Variants in MEGF11 observed in about 807,000 individuals in gnomAD.
MEGF11 encodes multiple epidermal growth factor-like domains protein 11.
MEGF11 carries 126 observed loss-of-function variants against 146.6 expected under a neutral mutation model. The ratio of observed to expected loss-of-function variants is 0.86; its 90% CI spans 0.74 to 1.00. MEGF11 has a LOEUF of 1.00. Ranked by LOEUF, MEGF11 falls within the 50% of genes least tolerant of loss-of-function variation. MEGF11 has a pLI of 0.00. For missense variants in MEGF11, 1,509 were observed against 1,521.2 expected, an observed-to-expected ratio of 0.99 and a Z score of 0.13; for synonymous variants, 532 against 583.4, an observed-to-expected ratio of 0.91 and a Z score of 1.27.
At chr15:66,153,720 C>A (rs1267281081) in intron 1 of MEGF11, among the ~76,000 whole-genome samples, 1 of 152,196 alleles carries the variant, frequency 6.6e-6, no homozygotes, top group Non-Finnish European at 1.5e-5. Flanking sequence ...GCAGGAGGCA[C>A]CCAGAGCATG....
Position 65,955,820 on chromosome 15 carries a change from T to TATA in MEGF11, c.1287+1726_1287+1727insTAT. ...CACACACACACACACACACAATACT[T>TATA]TAAATATATAACATGTAATCAATAT... On this transcript the variant is annotated intron_variant, in intron 10 of 25. Transcript: ENST00000395614. Among the ~76,000 whole-genome samples the TATA allele has an allele frequency of 1.4e-3, 3 of 2,100 alleles. No individual in the cohort carries two copies. The East Asian group carries it at 0.15, about 105-fold the overall frequency. The allele number at this position is 2,100 out of a possible 152,430, so 1.4% of individuals were successfully genotyped here. A position where few individuals can be genotyped will look rare whatever the true frequency, so the allele number is the denominator to read the frequency against.
intron 1 of MEGF11, among the ~76,000 whole-genome samples, chr15:66,147,951 C>T (rs1344416885): frequency 4.6e-5 from 7 of 152,190 alleles, no homozygotes; most frequent in East Asian, 3.9e-4. Context: ...ACACCATGGA[C>T]GATTTGGAGC....
chr15:65,937,142 A>G (rs1366225188), intron 10 of MEGF11, among the ~76,000 whole-genome samples: 1 of 152,220 alleles, frequency 6.6e-6, no homozygotes, highest in Non-Finnish European at 1.5e-5. Flanking sequence ...CTTGCAGGCC[A>G]CTGCTCCCAG....
chr15:66,078,064 C>T (rs1427969492), intron 5 of MEGF11, among the ~76,000 whole-genome samples: 12 of 152,150 alleles, frequency 7.9e-5, no homozygotes, highest in African/African-American at 2.9e-4. Flanking sequence ...AGGCAGAGGG[C>T]ATCAACCAGA....
At chr15:65,913,623 G>C in intron 20 of MEGF11, 114 bp downstream of exon 20, 1 of 902,282 alleles carries the variant, frequency 1.1e-6, no homozygotes, top group Non-Finnish European at 1.8e-6. Flanking sequence ...TGTCACTCTA[G>C]GGGAGACTGA....
chr15:66,213,464 G>C (rs1204743480), intron 1 of MEGF11, among the ~76,000 whole-genome samples: 2 of 152,150 alleles, frequency 1.3e-5, no homozygotes, highest in Non-Finnish European at 2.9e-5. Context: ...TTCTGCCCTC[G>C]TGGAGTTGGC....
intron 8 of MEGF11, chr15:65,965,338 C>G (rs982154855): frequency 2.9e-5 from 14 of 480,552 alleles, no homozygotes; most frequent in African/African-American, 3.9e-5. Flanking sequence ...TCGGCTCAGT[C>G]CCCCCAGCAA....
intron 5 of MEGF11, among the ~76,000 whole-genome samples, chr15:66,092,203 C>T (rs1423295030): frequency 6.6e-6 from 1 of 152,202 alleles, no homozygotes; most frequent in Non-Finnish European, 1.5e-5. Context: ...AGGTAGTGAG[C>T]TCCTTGTCAG....
intron 5 of MEGF11, among the ~76,000 whole-genome samples, chr15:66,037,970 A>G (rs560060262): frequency 6.6e-6 from 1 of 152,338 alleles, no homozygotes; most frequent in Non-Finnish European, 1.5e-5. Flanking sequence ...GAAATGTAAA[A>G]ACAACTGCTT....
intron 1 of MEGF11, among the ~76,000 whole-genome samples, chr15:66,138,439 G>A (rs1158986313): frequency 2.6e-5 from 4 of 152,190 alleles, no homozygotes; most frequent in Non-Finnish European, 5.9e-5. Flanking sequence ...GATAAAGCAC[G>A]ATTTTGTCAG....
chr15:66,031,039 T>C (rs552839071), intron 5 of MEGF11, among the ~76,000 whole-genome samples: 3 of 152,180 alleles, frequency 2.0e-5, no homozygotes, highest in Non-Finnish European at 2.9e-5. Flanking sequence ...ATCAGCCTGA[T>C]AGGATAAAGC....
chr15:66,188,857 T>C (rs2090789008), intron 1 of MEGF11, among the ~76,000 whole-genome samples: 1 of 152,214 alleles, frequency 6.6e-6, no homozygotes, highest in Non-Finnish European at 1.5e-5. Context: ...CAATTTTTTT[T>C]CTTTATCCTG....
intron 5 of MEGF11, among the ~76,000 whole-genome samples, chr15:66,081,004 A>T (rs1366228708): frequency 3.3e-5 from 5 of 152,214 alleles, no homozygotes; most frequent in Non-Finnish European, 7.3e-5. Flanking sequence ...GCAGTGAAAA[A>T]ACAACTCGAG....
chr15:66,094,496 T>A lies in MEGF11; in HGVS notation c.302-2A>T. ...GCACACACTCCTCCGTACACAGGGC[T>A]GAGGGGACATGGGGAGAGGGAGGAA... On this transcript the variant is annotated splice_acceptor_variant, in intron 4 of 25. Transcript: ENST00000395614. LOFTEE classifies it high-confidence loss of function. 1 of 1,558,276 alleles carries A rather than the reference T, an allele frequency of 6.4e-7. No homozygotes were observed. Among genetic ancestry groups the A allele is most frequent in the Non-Finnish European group, 8.7e-7 (1 of 1,150,486 alleles).
Position 65,897,630 on chromosome 15 carries a change from A to C in MEGF11, c.*304T>G, listed in dbSNP as rs1042797863. The C allele has an allele frequency of 6.6e-6, 1 of 152,040 alleles. No individual in the cohort carries two copies. Among genetic ancestry groups the C allele is most frequent in the African/African-American group, 2.5e-5 (1 of 40,184 alleles). 9.4% of individuals were successfully genotyped at this position (152,040 alleles called of 1,614,324 possible). A position where few individuals can be genotyped will look rare whatever the true frequency, so the allele number is the denominator to read the frequency against. On this transcript the variant is annotated 3_prime_UTR_variant, in exon 26 of 26. Transcript: ENST00000395614. ...TTTTAAAATATCACGTTTCAGATAA[A>C]TATATATATATATATCAGCTATATT... is the stretch of plus-strand genomic sequence containing the variant.
At chr15:66,066,643 A>G (rs535949828) in intron 5 of MEGF11, among the ~76,000 whole-genome samples, 23 of 152,154 alleles carry the variant, frequency 1.5e-4, no homozygotes, top group African/African-American at 5.5e-4. Context: ...ACCAAGCTCC[A>G]CGGCTGCGAG....
chr15:65,900,077 A>C (rs1182213061), intron 24 of MEGF11, among the ~76,000 whole-genome samples: 1 of 152,204 alleles, frequency 6.6e-6, no homozygotes, highest in African/African-American at 2.4e-5. Context: ...TGGAAAGAGC[A>C]GTAAACTCTA....
chr15:66,168,583 A>T (rs2090162020), intron 1 of MEGF11, among the ~76,000 whole-genome samples: 1 of 152,228 alleles, frequency 6.6e-6, no homozygotes, highest in Non-Finnish European at 1.5e-5. Flanking sequence ...CCAAACTGAG[A>T]TGTGCTGTTT....
intron 10 of MEGF11, among the ~76,000 whole-genome samples, chr15:65,943,269 C>T (rs908684838): frequency 3.3e-5 from 5 of 152,164 alleles, no homozygotes; most frequent in African/African-American, 1.2e-4. Context: ...TGAGCCACCA[C>T]GTTCCACCCA....
Sources: allele counts gnomAD v4.1 joint callset (sites outside exome capture counted in the v4.1 genomes callset), GRCh38; gene constraint gnomAD v4.1.1; transcripts MANE v1.5; gene names NCBI Gene and HGNC (gene_info 2026-07-23, HGNC 2026-07-21).